MDH1B: variants seen among roughly 807,000 people sequenced by gnomAD.
MDH1B encodes putative malate dehydrogenase 1B.
A neutral mutation model predicts 61.4 loss-of-function variants in MDH1B; 60 were observed. That is an observed-to-expected ratio of 0.98 (90% confidence interval 0.79 to 1.21). MDH1B has a LOEUF of 1.21. Ranked by LOEUF, MDH1B falls within the 50% of genes most tolerant of loss-of-function variation. The pLI is 0.00. For missense variants in MDH1B, 587 were observed against 632.1 expected (o/e 0.93, Z 0.76); for synonymous variants, 236 against 218.7 (o/e 1.08, Z -0.70).
intron 11 of MDH1B, 46 bp downstream of exon 11, chr2:206,739,547 C>A (rs749876014): frequency 6.5e-7 from 1 of 1,540,868 alleles, no homozygotes; most frequent in Non-Finnish European, 9.0e-7. Context: ...CCCAGTTCCA[C>A]TTGTAGAATA....
At chr2:206,757,928 G>T (rs1264827018) in intron 2 of MDH1B, among the ~76,000 whole-genome samples, 2 of 152,152 alleles carry the variant, frequency 1.3e-5, no homozygotes, top group Non-Finnish European at 2.9e-5. Flanking sequence ...TCTGAGTACA[G>T]TCAAACAGAA....
intron 1 of MDH1B, among the ~76,000 whole-genome samples, chr2:206,762,719 C>T (rs1196007203): frequency 1.3e-5 from 2 of 152,166 alleles, no homozygotes; most frequent in African/African-American, 4.8e-5. Context: ...GTAGCAGACC[C>T]CACAATTCTC....
intron 9 of MDH1B, among the ~76,000 whole-genome samples, chr2:206,741,716 C>T (rs571608389): frequency 6.6e-6 from 1 of 152,220 alleles, no homozygotes; most frequent in South Asian, 2.1e-4. Context: ...ACATAAGTAT[C>T]CTATTAGTTC....
chr2:206,762,212 C>T (rs984096165), intron 1 of MDH1B, among the ~76,000 whole-genome samples: 1 of 152,174 alleles, frequency 6.6e-6, no homozygotes, highest in Non-Finnish European at 1.5e-5. Context: ...TCTTTTCCTT[C>T]TCCCCAACAT....
In MDH1B at chr2:206,760,900, C is replaced by T; in HGVS notation, c.135+1G>A. 6.4e-7 allele frequency: 1 copy of T among 1,573,858 alleles called. No individual in the cohort carries two copies. The highest frequency in any genetic ancestry group is 8.7e-7 in the Non-Finnish European group (1 of 1,146,116). Reference sequence around the variant, plus strand: ...TTCAACAAACTATAAAGGCTTCTTACCTCCCAAACCTCAGGACGTTGTGTG... The same window carrying T: ...TTCAACAAACTATAAAGGCTTCTTATCTCCCAAACCTCAGGACGTTGTGTG... On this transcript the variant is annotated splice_donor_variant, in intron 2 of 11. Coordinates refer to ENST00000374412, the MANE Select transcript of MDH1B (RefSeq NM_001039845.3). LOFTEE classifies it high-confidence loss of function.
chr2:206,741,009 C>T (rs10197325), intron 10 of MDH1B, 45 bp downstream of exon 10: 313,888 of 1,608,118 alleles, frequency 0.2, 43,232 homozygotes, highest in East Asian at 0.56. Flanking sequence ...ATATGAGTCA[C>T]GACTATTAGC....
intron 7 of MDH1B, among the ~76,000 whole-genome samples, chr2:206,747,209 A>C (rs1470077802): frequency 6.6e-6 from 1 of 152,178 alleles, no homozygotes; most frequent in Non-Finnish European, 1.5e-5. Flanking sequence ...ACATTCGAGA[A>C]ACCAAGATCT....
chr2:206,750,368 A>G (rs1350047858), intron 6 of MDH1B, among the ~76,000 whole-genome samples: 2 of 143,514 alleles, frequency 1.4e-5, no homozygotes, highest in Non-Finnish European at 3.1e-5. Flanking sequence ...ACTGAGTTAC[A>G]GAGAGGCTGC....
At chr2:206,745,727 CTTCTT>C in intron 8 of MDH1B, 54 bp from the exon 9 acceptor site, 7 of 786,076 alleles carry the variant, frequency 8.9e-6, no homozygotes, top group South Asian at 5.4e-5. Context: ...TAACTTAATT[CTTCTT>C]TTTTTTTTTT....
At chr2:206,750,262 C>T (rs1688352488) in intron 6 of MDH1B, among the ~76,000 whole-genome samples, 1 of 151,572 alleles carries the variant, frequency 6.6e-6, no homozygotes, top group Non-Finnish European at 1.5e-5. Context: ...CAGACACAGC[C>T]CTAAGTCCTT....
At chr2:206,759,118 ATCT>A (rs1342993693) in intron 2 of MDH1B, among the ~76,000 whole-genome samples, 4 of 151,830 alleles carry the variant, frequency 2.6e-5, no homozygotes, top group Admixed American at 2.0e-4. Flanking sequence ...ATTTCTCGTG[ATCT>A]TCTTCCTCCT....
chr2:206,738,895 A>C (rs908604634), intron 11 of MDH1B, among the ~76,000 whole-genome samples: 1 of 152,166 alleles, frequency 6.6e-6, no homozygotes, highest in African/African-American at 2.4e-5. Context: ...TACATTTCAG[A>C]ATGAAAGGTG....
chr2:206,764,748 C>T (rs1689330381), intron 1 of MDH1B, among the ~76,000 whole-genome samples: 2 of 152,198 alleles, frequency 1.3e-5, no homozygotes, highest in South Asian at 4.1e-4. Context: ...AAGGACCTGG[C>T]TCCTGCTCCT....
chr2:206,757,546 G>A (rs963632766), intron 2 of MDH1B, among the ~76,000 whole-genome samples, 175 bp from the exon 3 acceptor site: 2 of 152,174 alleles, frequency 1.3e-5, no homozygotes, highest in Non-Finnish European at 1.5e-5. Context: ...AGTGATGTTA[G>A]TAACAGATTA....
chr2:206,741,981 A>T (rs2105917029), intron 9 of MDH1B, among the ~76,000 whole-genome samples: 1 of 152,316 alleles, frequency 6.6e-6, no homozygotes, highest in South Asian at 2.1e-4. Flanking sequence ...TTCACTGCCC[A>T]TGAGAGGCAG....
rs2359720 is a variant in MDH1B at position 206,743,785 on chromosome 2, T to G, written c.1408+1837A>C. Among the ~76,000 whole-genome samples the G allele has an allele frequency of 2.6e-5, 4 of 151,980 alleles. No individual in the cohort carries two copies. In the East Asian group the frequency reaches 7.7e-4, roughly 29 times the overall value. ...CTCTCTCTCTCTCATTCTTTTACCA[T>G]TTTCCCCTTATCAATAGTAAATCTG... On this transcript the variant is annotated intron_variant, in intron 9 of 11. Transcript: ENST00000374412.
At chr2:206,746,024 G>A (rs562797447) in intron 8 of MDH1B, among the ~76,000 whole-genome samples, 5 of 152,004 alleles carry the variant, frequency 3.3e-5, no homozygotes, top group East Asian at 1.9e-4. Flanking sequence ...CACTGCACCC[G>A]GCAACTTAAC....
chr2:206,744,758 C>G (rs926080066), intron 9 of MDH1B, among the ~76,000 whole-genome samples: 45 of 151,966 alleles, frequency 3.0e-4, no homozygotes, highest in African/African-American at 1.0e-3. Flanking sequence ...AACCTCGTCT[C>G]TACTAAAAAT....
At chr2:206,753,182 T>C (rs1688551143) in intron 5 of MDH1B, among the ~76,000 whole-genome samples, 1 of 152,142 alleles carries the variant, frequency 6.6e-6, no homozygotes, top group South Asian at 2.1e-4. Context: ...AGCACAGGTA[T>C]GTCCTGGCAC....
Sources: allele counts gnomAD v4.1 joint callset (sites outside exome capture counted in the v4.1 genomes callset), GRCh38; gene constraint gnomAD v4.1.1; transcripts MANE v1.5; gene names NCBI Gene and HGNC (gene_info 2026-07-23, HGNC 2026-07-21).